The following CDK13 variants were observed in gnomAD, a reference collection of about 807,000 sequenced individuals.
CDK13 encodes cyclin-dependent kinase 13.
CDK13 carries 40 observed loss-of-function variants against 137.6 expected under a neutral mutation model. The ratio of observed to expected loss-of-function variants is 0.29; its 90% CI spans 0.23 to 0.38. The LOEUF is 0.38. Among genes scored for constraint, CDK13 ranks in the 10% least tolerant of loss-of-function variants. CDK13 has a pLI of 1.00. For synonymous variants in CDK13, 869 were observed against 760.1 expected (o/e 1.14, Z -2.36); for missense variants, 1,704 against 1,951.8 (o/e 0.87, Z 2.39).
chr7:39,990,714 C>T lies in CDK13; in HGVS notation c.1871+2456C>T, dbSNP rs985628963. Among the ~76,000 whole-genome samples the T allele has an allele frequency of 2.6e-5, 4 of 152,264 alleles. No homozygotes were observed. In the East Asian group the frequency reaches 7.7e-4, roughly 29 times the overall value. On this transcript the variant is annotated intron_variant, in intron 2 of 13. Transcript: ENST00000181839. ...CCTCTTACTACTCTCATGAGTTAAT[C>T]TTTCTGTGCCCCAGTCCATAGTTCT...
intron 5 of CDK13, among the ~76,000 whole-genome samples, chr7:40,020,370 A>T (rs1785089501): frequency 6.6e-6 from 1 of 152,072 alleles, no homozygotes; most frequent in African/African-American, 2.4e-5. Flanking sequence ...ACCCGGCCCA[A>T]ATTGTTTTAT....
chr7:39,973,617 A>C (rs1262051199), intron 1 of CDK13, among the ~76,000 whole-genome samples: 2 of 152,154 alleles, frequency 1.3e-5, no homozygotes, highest in African/African-American at 4.8e-5. Flanking sequence ...GATGGAGTCC[A>C]ATTTATTATT....
At chr7:39,972,096 T>C (rs916978331) in intron 1 of CDK13, among the ~76,000 whole-genome samples, 1 of 152,158 alleles carries the variant, frequency 6.6e-6, no homozygotes, top group Admixed American at 6.5e-5. Context: ...AAAATACATA[T>C]CAAGGCATGG....
At chr7:40,026,875 GAAC>G (rs1177784349) in intron 5 of CDK13, among the ~76,000 whole-genome samples, 1 of 152,080 alleles carries the variant, frequency 6.6e-6, no homozygotes, top group Non-Finnish European at 1.5e-5. Context: ...TAGCTTTTTT[GAAC>G]AACAAACAAT....
chr7:39,955,391 G>A (rs966556424), intron 1 of CDK13, among the ~76,000 whole-genome samples: 3 of 152,096 alleles, frequency 2.0e-5, no homozygotes, highest in Non-Finnish European at 2.9e-5. Flanking sequence ...ATATTAAAGA[G>A]CATGGATTTT....
At chr7:40,024,648 T>G (rs1408166401) in intron 5 of CDK13, among the ~76,000 whole-genome samples, 1 of 12,060 alleles carries the variant, frequency 8.3e-5, no homozygotes, top group Non-Finnish European at 1.9e-4. Context: ...GCTCTGTGTT[T>G]TTTTTTTTTT....
chr7:40,082,306 G>A lies in CDK13; in HGVS notation c.3029+3455G>A, dbSNP rs571531799. Among the ~76,000 whole-genome samples the A allele has an allele frequency of 2.0e-5, 3 of 151,952 alleles. No individual in the cohort carries two copies. The East Asian group carries it at 5.9e-4, about 30-fold the overall frequency. ...GTTCAAGACCAGCCTGGCCAGGATG[G>A]TGAAATCCTGTCTCTACTAAAAATG... On this transcript the variant is annotated intron_variant, in intron 11 of 13. Transcript: ENST00000181839.
At chr7:40,023,238 G>A (rs1048458288) in intron 5 of CDK13, among the ~76,000 whole-genome samples, 2 of 151,894 alleles carry the variant, frequency 1.3e-5, no homozygotes, top group African/African-American at 2.4e-5. Context: ...GACTACAGGT[G>A]TATGCCATCA....
At chr7:40,082,703 G>A (rs1652798721) in intron 11 of CDK13, among the ~76,000 whole-genome samples, 1 of 149,670 alleles carries the variant, frequency 6.7e-6, no homozygotes, top group African/African-American at 2.5e-5. Flanking sequence ...AGGCAGGAGA[G>A]TCACTTGAGC....
chr7:40,072,362 G>C (rs1786441048), intron 9 of CDK13: 1 of 152,228 alleles, frequency 6.6e-6, no homozygotes, highest in African/African-American at 2.4e-5. Context: ...CATGACCTCA[G>C]GTGATCCGCC....
chr7:39,979,955 A>G (rs1396263761), intron 1 of CDK13, among the ~76,000 whole-genome samples: 1 of 152,160 alleles, frequency 6.6e-6, no homozygotes, highest in Non-Finnish European at 1.5e-5. Context: ...AGGCAAGGGA[A>G]CATTTTCCCA....
chr7:40,027,655 CTTTTTTTTT>C (rs761581418), intron 5 of CDK13, among the ~76,000 whole-genome samples: 4 of 89,724 alleles, frequency 4.5e-5, no homozygotes, highest in Non-Finnish European at 8.4e-5. Context: ...CACCCTTGGG[CTTTTTTTTT>C]TTTTTTTTTT....
chr7:40,012,242 A>G (rs1294476755), intron 5 of CDK13, among the ~76,000 whole-genome samples: 1 of 152,214 alleles, frequency 6.6e-6, no homozygotes, highest in African/African-American at 2.4e-5. Context: ...TTTGGAAAAC[A>G]GTATGGCCTT....
At chr7:40,087,508 A>T (rs1427287238) in intron 11 of CDK13, among the ~76,000 whole-genome samples, 1 of 150,826 alleles carries the variant, frequency 6.6e-6, no homozygotes, top group Non-Finnish European at 1.5e-5. Context: ...CTATCATAAG[A>T]ACTGACTTTG....
intron 5 of CDK13, among the ~76,000 whole-genome samples, chr7:40,020,138 G>A (rs149190189): frequency 0.01 from 1,525 of 152,124 alleles, 20 homozygotes; most frequent in South Asian, 0.018. Context: ...CACAATCTTG[G>A]CTCACTGCAA....
At chr7:40,000,236 C>A (rs1024831088) in intron 4 of CDK13, among the ~76,000 whole-genome samples, 2 of 152,078 alleles carry the variant, frequency 1.3e-5, no homozygotes, top group African/African-American at 4.8e-5. Context: ...GTTAGCCGGG[C>A]ATAGTGGCAC....
chr7:39,971,595 TA>T (rs879479421), intron 1 of CDK13, among the ~76,000 whole-genome samples: 142 of 145,208 alleles, frequency 9.8e-4, no homozygotes, highest in Non-Finnish European at 7.4e-4. Context: ...TGCTTTGGAT[TA>T]AAAAAAAAAA....
At chr7:39,997,860 A>G (rs892377733) in intron 3 of CDK13, 196 bp downstream of exon 3, 1 of 495,142 alleles carries the variant, frequency 2.0e-6, no homozygotes, top group Non-Finnish European at 3.5e-6. Context: ...ATAAAACCAA[A>G]TTTAATTTTC....
chr7:39,977,774 G>GGAGACTCGAGGTGGGAACCTGGTAA (rs1784141162), intron 1 of CDK13, among the ~76,000 whole-genome samples: 1 of 152,076 alleles, frequency 6.6e-6, no homozygotes, highest in Non-Finnish European at 1.5e-5. Flanking sequence ...GAACCTGGTA[G>GGAGACTCGAGGTGGGAACCTGGTAA]GGAGACTTGC....
Sources: allele counts gnomAD v4.1 joint callset (sites outside exome capture counted in the v4.1 genomes callset), GRCh38; gene constraint gnomAD v4.1.1; transcripts MANE v1.5; gene names NCBI Gene and HGNC (gene_info 2026-07-23, HGNC 2026-07-21).